The following MGAT5 variants were observed in gnomAD, a reference collection of about 807,000 sequenced individuals.
The protein encoded by MGAT5 is alpha-1,6-mannosylglycoprotein 6-beta-N-acetylglucosaminyltransferase A.
In MGAT5, 30 loss-of-function variants were observed where a neutral mutation model predicts 94.3. The observed-to-expected ratio is 0.32, with a 90% CI of 0.24 to 0.43. MGAT5 has a LOEUF of 0.43. Ranked by LOEUF, MGAT5 falls within the 20% of genes least tolerant of loss-of-function variation. The probability of loss-of-function intolerance (pLI) is 1.00; values close to 1 mark genes in which losing one functional copy is unlikely to be tolerated. For missense variants in MGAT5, 691 were observed against 905.5 expected (o/e 0.76, Z 3.04); for synonymous variants, 310 against 322.9 (o/e 0.96, Z 0.43).
chr2:134,385,897 G>C (rs539902989), intron 10 of MGAT5, among the ~76,000 whole-genome samples: 3 of 152,020 alleles, frequency 2.0e-5, no homozygotes, highest in Non-Finnish European at 2.9e-5. Flanking sequence ...TTTTTACTTA[G>C]GGCATATAAA....
At chr2:134,276,842 G>A (rs1232874986) in intron 2 of MGAT5, among the ~76,000 whole-genome samples, 1 of 152,258 alleles carries the variant, frequency 6.6e-6, no homozygotes. Context: ...TATGGCCCAG[G>A]GAGAAAGAAT....
intron 10 of MGAT5, among the ~76,000 whole-genome samples, chr2:134,389,509 A>G (rs1388274871): frequency 6.6e-6 from 1 of 152,074 alleles, no homozygotes; most frequent in African/African-American, 2.4e-5. Flanking sequence ...GCTACTCCAT[A>G]TGCTTTCCCA....
At chr2:134,173,015 C>T (rs756757268) in intron 1 of MGAT5, among the ~76,000 whole-genome samples, 2 of 152,148 alleles carry the variant, frequency 1.3e-5, no homozygotes, top group Non-Finnish European at 2.9e-5. Flanking sequence ...GCTAGGAAAT[C>T]GTGTGACCAC....
At chr2:134,394,124 TC>T (rs1002971938) in intron 10 of MGAT5, among the ~76,000 whole-genome samples, 2 of 152,184 alleles carry the variant, frequency 1.3e-5, no homozygotes, top group African/African-American at 4.8e-5. Flanking sequence ...CTCCCAGATT[TC>T]TACATAATTA....
At chr2:134,411,133 C>A (rs1054968207) in intron 11 of MGAT5, among the ~76,000 whole-genome samples, 1 of 152,196 alleles carries the variant, frequency 6.6e-6, no homozygotes, top group Non-Finnish European at 1.5e-5. Flanking sequence ...AGATCTCCCC[C>A]ACCCCTGAGC....
At chr2:134,175,872 G>C (rs1454755028) in intron 1 of MGAT5, among the ~76,000 whole-genome samples, 1 of 152,178 alleles carries the variant, frequency 6.6e-6, no homozygotes, top group Admixed American at 6.5e-5. Flanking sequence ...GCAGGTGGAG[G>C]TGCTTCCTCA....
chr2:134,376,870 C>G (rs1162613907), intron 10 of MGAT5, among the ~76,000 whole-genome samples: 1 of 152,192 alleles, frequency 6.6e-6, no homozygotes, highest in Non-Finnish European at 1.5e-5. Context: ...GGTCTTCCTA[C>G]CAGCACCATC....
chr2:134,346,656 A>G (rs1290397917), intron 8 of MGAT5, among the ~76,000 whole-genome samples: 2 of 152,182 alleles, frequency 1.3e-5, no homozygotes, highest in Non-Finnish European at 2.9e-5. Flanking sequence ...TCTTTCAATT[A>G]GGAACAAACC....
chr2:134,413,101 A>G, intron 12 of MGAT5, 86 bp downstream of exon 12: 2 of 1,464,140 alleles, frequency 1.4e-6, no homozygotes, highest in Non-Finnish European at 1.9e-6. Context: ...AACTTCATCT[A>G]ACATGATTGG....
At chr2:134,365,104 A>T (rs550231485) in intron 10 of MGAT5, among the ~76,000 whole-genome samples, 1 of 152,158 alleles carries the variant, frequency 6.6e-6, no homozygotes, top group African/African-American at 2.4e-5. Flanking sequence ...TGGGAGGTTT[A>T]GGATTGCAAC....
chr2:134,319,026 G>T (rs937536809), intron 4 of MGAT5, among the ~76,000 whole-genome samples: 1 of 152,134 alleles, frequency 6.6e-6, no homozygotes, highest in African/African-American at 2.4e-5. Flanking sequence ...AATGTGTATA[G>T]TTCAGTGGCA....
At chr2:134,120,370 C>CG (rs995655442) in intron 1 of MGAT5, 15 of 377,650 alleles carry the variant, frequency 4.0e-5, no homozygotes, top group Middle Eastern at 1.4e-3. Flanking sequence ...GAGGGGACCG[C>CG]GGGGGGCACG....
rs139880606 is a variant in MGAT5 at position 134,219,571 on chromosome 2, G to A, written c.-142-34691G>A. Among the ~76,000 whole-genome samples, 4 of 152,226 alleles carry A rather than the reference G, an allele frequency of 2.6e-5. No homozygotes were observed. In the East Asian group the frequency reaches 7.7e-4, roughly 29 times the overall value. On this transcript the variant is annotated intron_variant, in intron 1 of 16. Transcript: ENST00000409645. ...ATTCCAAACTGTCCTGAGGTGCCCC[G>A]GAGTGCCACAGCAAAGTCACAAGGC...
intron 14 of MGAT5, among the ~76,000 whole-genome samples, chr2:134,437,247 C>T (rs1252088552): frequency 6.6e-6 from 1 of 152,206 alleles, no homozygotes; most frequent in African/African-American, 2.4e-5. Flanking sequence ...ACCTTGGCCT[C>T]CCAAAGTGCT....
chr2:134,399,197 C>G (rs1377488161), intron 10 of MGAT5, among the ~76,000 whole-genome samples: 1 of 152,178 alleles, frequency 6.6e-6, no homozygotes, highest in African/African-American at 2.4e-5. Flanking sequence ...CAATTATTAT[C>G]AATTTAAAAA....
At chr2:134,429,973 G>A (rs535976872) in intron 14 of MGAT5, among the ~76,000 whole-genome samples, 4 of 152,326 alleles carry the variant, frequency 2.6e-5, no homozygotes, top group African/African-American at 9.6e-5. Context: ...ACAGTTTGAT[G>A]TGAGGCCAAG....
chr2:134,401,296 T>C (rs2106290283), intron 10 of MGAT5, among the ~76,000 whole-genome samples: 1 of 152,296 alleles, frequency 6.6e-6, no homozygotes. Context: ...ACTCCAACGC[T>C]CAAATGACCT....
intron 1 of MGAT5, among the ~76,000 whole-genome samples, chr2:134,255,657 G>T (rs1241567690): frequency 6.6e-6 from 1 of 152,116 alleles, no homozygotes; most frequent in Non-Finnish European, 1.5e-5. Context: ...ACAAGAGTCT[G>T]ATCATTGAAT....
intron 1 of MGAT5, among the ~76,000 whole-genome samples, chr2:134,145,214 C>CTCTCTCTGTGTGTGTG (rs373377770): frequency 1.9e-3 from 280 of 143,862 alleles, no homozygotes; most frequent in Non-Finnish European, 2.8e-3. Context: ...GTCTCTCTCT[C>CTCTCTCTGTGTGTGTG]TGTGTGTGTG....
Sources: gnomAD v4.1 joint callset for allele counts (sites outside exome capture counted in the v4.1 genomes callset) on GRCh38, gnomAD v4.1.1 for gene constraint, MANE v1.5 for transcripts, NCBI Gene and HGNC (gene_info 2026-07-23, HGNC 2026-07-21) for gene names.